The following CCBE1 variants were observed in gnomAD, a reference collection of about 807,000 sequenced individuals.
CCBE1 encodes collagen and calcium-binding EGF domain-containing protein 1.
A neutral mutation model predicts 50.0 loss-of-function variants in CCBE1; 37 were observed. That is an observed-to-expected ratio of 0.74 (90% CI 0.57 to 0.97). The LOEUF is 0.97. Among genes scored for constraint, CCBE1 ranks in the 50% least tolerant of loss-of-function variants. The pLI is 0.00. For synonymous variants in CCBE1, 234 were observed against 203.7 expected, an observed-to-expected ratio of 1.15 and a Z score of -1.27; for missense variants, 538 against 523.8, an observed-to-expected ratio of 1.03 and a Z score of -0.26.
chr18:59,451,762 A>T (rs1053130928), intron 6 of CCBE1, among the ~76,000 whole-genome samples: 1 of 152,224 alleles, frequency 6.6e-6, no homozygotes, highest in Non-Finnish European at 1.5e-5. Context: ...GCACACATTT[A>T]CCTGTGTAAC....
upstream of CCBE1, chr18:59,697,471 T>C: frequency 8.1e-7 from 1 of 1,240,728 alleles, no homozygotes; most frequent in East Asian, 2.6e-5. Flanking sequence ...TTGCACCACC[T>C]GCACGGGGAG....
intron 2 of CCBE1, among the ~76,000 whole-genome samples, chr18:59,688,815 A>T (rs942146132): frequency 6.6e-6 from 1 of 152,164 alleles, no homozygotes; most frequent in African/African-American, 2.4e-5. Flanking sequence ...AAATCCAAAC[A>T]CTGTAATATA....
chr18:59,622,202 AG>A (rs1159679668), intron 2 of CCBE1, among the ~76,000 whole-genome samples: 6 of 152,194 alleles, frequency 3.9e-5, no homozygotes, highest in Admixed American at 1.3e-4. Flanking sequence ...GGCCAACATG[AG>A]GCTGCCCATG....
chr18:59,485,206 A>C (rs1350719930), intron 2 of CCBE1, among the ~76,000 whole-genome samples: 1 of 152,210 alleles, frequency 6.6e-6, no homozygotes, highest in Non-Finnish European at 1.5e-5. Context: ...TCTTGTAATC[A>C]AGAAAGTCTG....
intron 2 of CCBE1, among the ~76,000 whole-genome samples, chr18:59,586,605 A>G (rs1288330988): frequency 6.6e-6 from 1 of 152,226 alleles, no homozygotes; most frequent in African/African-American, 2.4e-5. Context: ...CCAAGGAGGA[A>G]AGAACATCTG....
rs1046354583 is a variant in CCBE1 at position 59,479,162 on chromosome 18, T to G, written c.265+1024A>C. ...TTGGGCAAAGGTGAAGAAAACTGTT[T>G]CACATTCCCCACCCACCTCACCCTA... On this transcript the variant is annotated intron_variant, in intron 3 of 10. Coordinates refer to ENST00000439986, the MANE Select transcript of CCBE1 (RefSeq NM_133459.4). Among the ~76,000 whole-genome samples, 7 of 152,326 alleles carry G rather than the reference T, an allele frequency of 4.6e-5. No individual in the cohort carries two copies. The South Asian group carries it at 1.5e-3, about 32-fold the overall frequency.
intron 2 of CCBE1, among the ~76,000 whole-genome samples, chr18:59,517,151 A>G (rs1914408747): frequency 6.6e-6 from 1 of 152,150 alleles, no homozygotes; most frequent in Admixed American, 6.5e-5. Flanking sequence ...GTTATTTTTG[A>G]CTTCTGTGCT....
intron 2 of CCBE1, among the ~76,000 whole-genome samples, chr18:59,484,303 G>GCA (rs1026388762): frequency 5.9e-5 from 9 of 152,154 alleles, no homozygotes; most frequent in Admixed American, 5.2e-4. Flanking sequence ...ATACAAGGGG[G>GCA]AAAAACCCAC....
intron 2 of CCBE1, among the ~76,000 whole-genome samples, chr18:59,497,356 A>G (rs1913401997): frequency 6.6e-6 from 1 of 152,194 alleles, no homozygotes; most frequent in South Asian, 2.1e-4. Context: ...CTGAGCACAG[A>G]TCATACTGAG....
chr18:59,609,438 C>T (rs560914560), intron 2 of CCBE1, among the ~76,000 whole-genome samples: 9 of 152,288 alleles, frequency 5.9e-5, no homozygotes, highest in African/African-American at 1.2e-4. Context: ...CCTAGGTTTT[C>T]GACATGCTAC....
At chr18:59,545,754 T>C (rs985884262) in intron 2 of CCBE1, among the ~76,000 whole-genome samples, 2 of 152,188 alleles carry the variant, frequency 1.3e-5, no homozygotes, top group African/African-American at 4.8e-5. Context: ...TGGTAGTGAA[T>C]AAGTCTCATG....
chr18:59,498,892 G>C (rs1913480525), intron 2 of CCBE1, among the ~76,000 whole-genome samples: 1 of 152,194 alleles, frequency 6.6e-6, no homozygotes, highest in Admixed American at 6.5e-5. Context: ...TCTTTGAAAT[G>C]CTTTTTAATC....
chr18:59,596,274 G>C (rs965163833), intron 2 of CCBE1, among the ~76,000 whole-genome samples: 1 of 152,028 alleles, frequency 6.6e-6, no homozygotes, highest in African/African-American at 2.4e-5. Context: ...CCAATGTCAG[G>C]GTCCACTCAC....
intron 2 of CCBE1, among the ~76,000 whole-genome samples, chr18:59,486,873 CTACCTATTTATTTATT>C (rs1044543896): frequency 6.6e-6 from 1 of 151,810 alleles, no homozygotes; most frequent in African/African-American, 2.4e-5. Context: ...AACCCCAAAC[CTACCTATTTATTTATT>C]TACGTGTAAG....
At position 59,435,264 on chromosome 18, in the gene CCBE1, T is replaced by C. The variant is rs559237621; in HGVS notation, c.*644A>G. 1.9e-5 allele frequency: 3 copies of C among 154,924 alleles called. No homozygotes were observed. In the South Asian group the frequency reaches 5.9e-4, roughly 31 times the overall value. The allele number at this position is 154,924 out of a possible 1,614,324, so 9.6% of individuals were successfully genotyped here. A position where few individuals can be genotyped will look rare whatever the true frequency, so the allele number is the denominator to read the frequency against. On this transcript the variant is annotated 3_prime_UTR_variant, in exon 11 of 11. Transcript: ENST00000439986. ...ATGTGGCAATCTATATAACAGTAAATATATGACTGTGATTCTTTTCTATCT... is the reference window on the plus strand; with the variant it reads ...ATGTGGCAATCTATATAACAGTAAACATATGACTGTGATTCTTTTCTATCT...
intron 2 of CCBE1, among the ~76,000 whole-genome samples, chr18:59,512,575 T>C (rs868250243): frequency 1.3e-5 from 2 of 152,234 alleles, no homozygotes; most frequent in Non-Finnish European, 1.5e-5. Flanking sequence ...ATTCCCTGTA[T>C]GACAGACAGA....
In CCBE1 at chr18:59,594,839, C is replaced by T. The variant is rs181108330; in HGVS notation, c.212+101790G>A. ...TTAAGAATAGCAGTTCTCAGCCGGG[C>T]GCGGTGGCTCACACCTATAATCCCA... On this transcript the variant is annotated intron_variant, in intron 2 of 10. Coordinates refer to ENST00000439986, the MANE Select transcript of CCBE1 (RefSeq NM_133459.4). Among the ~76,000 whole-genome samples, 346 of 152,104 alleles carry T rather than the reference C, an allele frequency of 2.3e-3. 2 individuals are homozygous for T. The highest frequency in any genetic ancestry group is 7.9e-3 in the African/African-American group (328 of 41,502).
chr18:59,687,766 C>CT (rs2054676034), intron 2 of CCBE1, among the ~76,000 whole-genome samples: 1 of 152,190 alleles, frequency 6.6e-6, no homozygotes, highest in Admixed American at 6.5e-5. Context: ...CAAGACCAGC[C>CT]TGGCCAACAT....
chr18:59,662,603 T>C (rs911226120), intron 2 of CCBE1, among the ~76,000 whole-genome samples: 5 of 152,182 alleles, frequency 3.3e-5, no homozygotes, highest in Admixed American at 6.5e-5. Flanking sequence ...GATTACTGCA[T>C]GATGTAGAAG....
Sources: gnomAD v4.1 joint callset for allele counts (sites outside exome capture counted in the v4.1 genomes callset) on GRCh38, gnomAD v4.1.1 for gene constraint, MANE v1.5 for transcripts, NCBI Gene and HGNC (gene_info 2026-07-23, HGNC 2026-07-21) for gene names.